The following MCOLN2 variants were observed in gnomAD, a reference collection of about 807,000 sequenced individuals.
The protein encoded by MCOLN2 is mucolipin-2.
A neutral mutation model predicts 67.5 loss-of-function variants in MCOLN2; 57 were observed. The ratio of observed to expected loss-of-function variants is 0.84; its 90% CI spans 0.68 to 1.05. The LOEUF (loss-of-function observed/expected upper bound fraction) is 1.05. Among genes scored for constraint, MCOLN2 ranks in the 50% least tolerant of loss-of-function variants. MCOLN2 has a pLI of 0.00. For missense variants in MCOLN2, 620 were observed against 678.8 expected (o/e 0.91, Z 0.96); for synonymous variants, 246 against 233.3 (o/e 1.05, Z -0.50).
chr1:84,958,700 A>T lies in MCOLN2; in HGVS notation c.240T>A (p.Leu80=), dbSNP rs772001053. 2.0e-5 allele frequency: 32 copies of T among 1,568,578 alleles called. No individual in the cohort carries two copies. The highest frequency in any genetic ancestry group is 1.7e-4 in the Admixed American group (8 of 47,692). ...ILKIVMVTTQ[L]VRFGLSNQLV... Reference sequence around the variant, plus strand: ...GCTGGTTACTTAAACCAAAACGAACAAGCTAAAAAATAAAATAAAATAGAA... The same window carrying T: ...GCTGGTTACTTAAACCAAAACGAACTAGCTAAAAAATAAAATAAAATAGAA... The change falls in exon 3 of 14, where the codon CTT becomes CTA. Residue 80 remains leucine (L), a splice_region_variant and synonymous_variant. Coordinates refer to ENST00000370608, the MANE Select transcript of MCOLN2 (RefSeq NM_153259.4).
At position 84,965,579 on chromosome 1, in the gene MCOLN2, C is replaced by T. The variant is rs146639410; in HGVS notation, c.207G>A (p.Gln69=). ...TGGTGACCATGACTATCTTCAAAAT[C>T]TGCAAACCCAGTTTCCACGGAATCT... ...RRQIPWKLGL[Q]ILKIVMVTTQ... Residue 69 remains glutamine, a synonymous_variant, in exon 2 of 14, where the codon CAG becomes CAA. Coordinates refer to ENST00000370608, the MANE Select transcript of MCOLN2 (RefSeq NM_153259.4). 2.2e-5 allele frequency: 35 copies of T among 1,613,908 alleles called. No individual in the cohort carries two copies. Among genetic ancestry groups the T allele is most frequent in the African/African-American group, 9.3e-5 (7 of 74,910 alleles).
At chr1:84,956,154 G>A (rs1444568259) in intron 4 of MCOLN2, among the ~76,000 whole-genome samples, 1 of 149,402 alleles carries the variant, frequency 6.7e-6, no homozygotes, top group African/African-American at 2.5e-5. Flanking sequence ...CCTTCATAGG[G>A]AAAAAAAAAC....
chr1:84,980,602 T>C (rs1045116682), intron 1 of MCOLN2, among the ~76,000 whole-genome samples: 1 of 152,094 alleles, frequency 6.6e-6, no homozygotes, highest in Non-Finnish European at 1.5e-5. Context: ...ATAAATGGTG[T>C]TGGGGAAACT....
chr1:84,951,695 T>C (rs12032915), intron 6 of MCOLN2, among the ~76,000 whole-genome samples: 14,511 of 152,280 alleles, frequency 0.095, 2,030 homozygotes, highest in African/African-American at 0.31. Context: ...TTTAAACTCT[T>C]CTTTTCAATG....
At chr1:84,993,647 G>A (rs1490891810) in intron 1 of MCOLN2, among the ~76,000 whole-genome samples, 3 of 140,534 alleles carry the variant, frequency 2.1e-5, no homozygotes, top group East Asian at 2.0e-4. Flanking sequence ...TTTTTGAGAC[G>A]GAGTCTCGCT....
chr1:84,951,084 A>G (rs190393822), intron 6 of MCOLN2, among the ~76,000 whole-genome samples: 1 of 152,114 alleles, frequency 6.6e-6, no homozygotes, highest in Non-Finnish European at 1.5e-5. Context: ...CCTCTGGCCC[A>G]CCCACCCCAG....
chr1:84,987,216 A>C (rs1308125871), intron 1 of MCOLN2, among the ~76,000 whole-genome samples: 1 of 137,226 alleles, frequency 7.3e-6, no homozygotes, highest in East Asian at 2.2e-4. Context: ...ATCTATATAT[A>C]TGGCATATAT....
intron 1 of MCOLN2, among the ~76,000 whole-genome samples, chr1:84,967,142 T>C (rs1409401231): frequency 6.6e-6 from 1 of 152,248 alleles, no homozygotes; most frequent in East Asian, 1.9e-4. Context: ...CCGGAGTTCC[T>C]AAAATCCATC....
At chr1:84,940,031 G>A (rs1647666187) in intron 8 of MCOLN2, among the ~76,000 whole-genome samples, 2 of 152,060 alleles carry the variant, frequency 1.3e-5, no homozygotes, top group Non-Finnish European at 2.9e-5. Context: ...GCAGGTACGA[G>A]CAGGTCTATC....
At chr1:84,959,541 CTCA>C (rs1648967073) in intron 2 of MCOLN2, among the ~76,000 whole-genome samples, 1 of 152,108 alleles carries the variant, frequency 6.6e-6, no homozygotes, top group Admixed American at 6.5e-5. Flanking sequence ...ACACACATAC[CTCA>C]TCACACACGC....
chr1:84,947,865 C>T (rs1648201173), intron 6 of MCOLN2, among the ~76,000 whole-genome samples: 1 of 152,258 alleles, frequency 6.6e-6, no homozygotes, highest in Non-Finnish European at 1.5e-5. Context: ...CACCATGACA[C>T]TGGCTGCCTA....
intron 4 of MCOLN2, among the ~76,000 whole-genome samples, chr1:84,954,929 A>G (rs1013208054): frequency 2.0e-5 from 3 of 152,232 alleles, no homozygotes; most frequent in Non-Finnish European, 4.4e-5. Context: ...GTGAACAAGA[A>G]TAACTAAGAG....
chr1:84,956,154 G>GA (rs10666635), intron 4 of MCOLN2, among the ~76,000 whole-genome samples: 62 of 149,388 alleles, frequency 4.2e-4, no homozygotes, highest in South Asian at 6.4e-4. Context: ...CCTTCATAGG[G>GA]AAAAAAAAAC....
At chr1:84,934,129 ACT>A (rs1276060321) in intron 11 of MCOLN2, among the ~76,000 whole-genome samples, 3 of 151,890 alleles carry the variant, frequency 2.0e-5, no homozygotes, top group Non-Finnish European at 4.4e-5. Context: ...AGCAGGTACT[ACT>A]CTCTCTCTGC....
intron 11 of MCOLN2, among the ~76,000 whole-genome samples, chr1:84,934,499 C>T (rs1325278): frequency 0.49 from 75,181 of 151,894 alleles, 19,267 homozygotes; most frequent in East Asian, 0.72. Context: ...GAATCTCATG[C>T]AAACTTTAGG....
chr1:84,965,807 A>G (rs1200995567), intron 1 of MCOLN2, 99 bp from the exon 2 acceptor site: 3 of 998,252 alleles, frequency 3.0e-6, no homozygotes, highest in Non-Finnish European at 4.4e-6. Context: ...TACATATGGC[A>G]TGTCATATAC....
Position 84,996,944 on chromosome 1 carries a change from T to G in MCOLN2, c.-72A>C, listed in dbSNP as rs546856011. The G allele has an allele frequency of 7.2e-7, 1 of 1,393,916 alleles. No individual in the cohort carries two copies. Among genetic ancestry groups the G allele is most frequent in the East Asian group, 2.3e-5 (1 of 43,124 alleles). 86.3% of individuals were successfully genotyped at this position (1,393,916 alleles called of 1,614,324 possible). A position where few individuals can be genotyped will look rare whatever the true frequency, so the allele number is the denominator to read the frequency against. ...AAACACCGTTCACGGCCGACTCATT[T>G]CGCCCTCGCCGTAACGCGTCCGCCG... On this transcript the variant is annotated 5_prime_UTR_variant, in exon 1 of 14. Coordinates refer to ENST00000370608, the MANE Select transcript of MCOLN2 (RefSeq NM_153259.4).
At chr1:84,982,111 T>C (rs1399577229) in intron 1 of MCOLN2, among the ~76,000 whole-genome samples, 8 of 150,520 alleles carry the variant, frequency 5.3e-5, no homozygotes, top group African/African-American at 2.0e-4. Context: ...AAAGTGTATC[T>C]GATTTGAAAA....
chr1:84,941,139 G>T lies in MCOLN2; in HGVS notation c.848-148C>A, dbSNP rs11577224. 2.6e-5 allele frequency: 16 copies of T among 608,206 alleles called. No individual in the cohort carries two copies. In the Admixed American group the frequency reaches 2.9e-4, roughly 11 times the overall value. The allele number at this position is 608,206 out of a possible 1,614,324, so 37.7% of individuals were successfully genotyped here. A position where few individuals can be genotyped will look rare whatever the true frequency, so the allele number is the denominator to read the frequency against. On this transcript the variant is annotated intron_variant, in intron 7 of 13. Transcript: ENST00000370608. The stretch of plus-strand genomic sequence containing the variant: ...GTAAATATCAGAAACAAATCACACC[G>T]CATTCATTCAGAAGTACATATGTAA...
Sources: gnomAD v4.1 joint callset for allele counts (sites outside exome capture counted in the v4.1 genomes callset) on GRCh38, gnomAD v4.1.1 for gene constraint, MANE v1.5 for transcripts, NCBI Gene and HGNC (gene_info 2026-07-23, HGNC 2026-07-21) for gene names.